The following FYB1 variants were observed in gnomAD, a reference collection of about 807,000 sequenced individuals.
FYB1 encodes FYN-binding protein 1.
FYB1 carries 41 observed loss-of-function variants against 94.1 expected under a neutral mutation model. That is an observed-to-expected ratio of 0.44 (90% CI 0.34 to 0.57). The LOEUF (loss-of-function observed/expected upper bound fraction) is 0.57. FYB1 is among the 20% of genes least tolerant of loss of function. FYB1 has a pLI of 0.02. For missense variants in FYB1, 1,050 were observed against 976.8 expected (o/e 1.07, Z -1.00); for synonymous variants, 367 against 353.2 (o/e 1.04, Z -0.44).
chr5:39,243,023 G>A (rs927062985), intron 1 of FYB1, among the ~76,000 whole-genome samples: 1 of 152,170 alleles, frequency 6.6e-6, no homozygotes, highest in Non-Finnish European at 1.5e-5. Context: ...TAAGTTCATT[G>A]TAGATTCTGG....
chr5:39,247,004 A>G (rs887622773), intron 1 of FYB1, among the ~76,000 whole-genome samples: 1 of 148,620 alleles, frequency 6.7e-6, no homozygotes, highest in African/African-American at 2.5e-5. Flanking sequence ...AATAGTACCT[A>G]TCTTGTAGGA....
intron 16 of FYB1, chr5:39,110,664 T>C: frequency 3.1e-6 from 1 of 320,966 alleles, no homozygotes; most frequent in Non-Finnish European, 5.8e-6. Flanking sequence ...GCAACTTTTT[T>C]CATTAAGCTA....
chr5:39,156,886 AGAAAGGGGATGAATATT>A (rs1743813038), intron 2 of FYB1, among the ~76,000 whole-genome samples: 1 of 152,248 alleles, frequency 6.6e-6, no homozygotes, highest in Non-Finnish European at 1.5e-5. Flanking sequence ...TCTGATGGAA[AGAAAGGGGATGAATATT>A]GAACTATAGT....
intron 1 of FYB1, among the ~76,000 whole-genome samples, chr5:39,205,160 G>A (rs1400194407): frequency 6.6e-6 from 1 of 152,206 alleles, no homozygotes; most frequent in Non-Finnish European, 1.5e-5. Context: ...GTCTGTCTCT[G>A]TGGAAGATGC....
At chr5:39,120,843 G>A (rs760859191) in intron 14 of FYB1, among the ~76,000 whole-genome samples, 3 of 151,978 alleles carry the variant, frequency 2.0e-5, no homozygotes, top group Non-Finnish European at 2.9e-5. Flanking sequence ...ATCAGGTTCT[G>A]CGTCTGCCCT....
Position 39,105,280 on chromosome 5 carries a change from A to G in FYB1, c.*2163T>C, listed in dbSNP as rs1760309261. ...TCCATTGAAGGTATTATTTATTTGC[A>G]GCTCATCTTAAGTGACAAAATTCCA... On this transcript the variant is annotated 3_prime_UTR_variant, in exon 19 of 19. Transcript: ENST00000512982. The G allele has an allele frequency of 6.6e-6, 1 of 152,180 alleles. No individual in the cohort carries two copies. Among genetic ancestry groups the G allele is most frequent in the South Asian group, 2.1e-4 (1 of 4,834 alleles). 9.4% of individuals were successfully genotyped at this position (152,180 alleles called of 1,614,324 possible).
At chr5:39,245,520 A>G (rs756550402) in intron 1 of FYB1, among the ~76,000 whole-genome samples, 1 of 152,080 alleles carries the variant, frequency 6.6e-6, no homozygotes, top group Non-Finnish European at 1.5e-5. Flanking sequence ...AGGGCAGAGA[A>G]GCGGGTTCTA....
At chr5:39,207,225 T>C (rs181020594) in intron 1 of FYB1, among the ~76,000 whole-genome samples, 24 of 152,356 alleles carry the variant, frequency 1.6e-4, no homozygotes, top group Admixed American at 1.4e-3. Context: ...AAGCAATTTG[T>C]TATTATTTCT....
At chr5:39,239,962 C>A (rs1047424709) in intron 1 of FYB1, among the ~76,000 whole-genome samples, 1 of 151,454 alleles carries the variant, frequency 6.6e-6, no homozygotes, top group Non-Finnish European at 1.5e-5. Context: ...GCCTTTGAGT[C>A]TGTACAAAAA....
At chr5:39,212,983 C>T (rs1386945534) in intron 1 of FYB1, 2 of 147,708 alleles carry the variant, frequency 1.4e-5, no homozygotes, top group East Asian at 2.0e-4. Context: ...ACTAAAAGTG[C>T]TTTTCTTGGC....
chr5:39,118,283 C>T lies in FYB1; in HGVS notation c.2401+591G>A, dbSNP rs116469639. 6.2e-3 allele frequency among the ~76,000 whole-genome samples: 938 copies of T among 152,154 alleles called. 9 individuals are homozygous for T. Among genetic ancestry groups the T allele is most frequent in the African/African-American group, 0.021 (878 of 41,494 alleles). ...GATTTATTTGGAATAGTATGTTGCA[C>T]TAAGTGTGTTCAAATAGGAAATGAA... On this transcript the variant is annotated intron_variant, in intron 16 of 18. Coordinates refer to ENST00000512982, the MANE Select transcript of FYB1 (RefSeq NM_001465.6).
intron 1 of FYB1, among the ~76,000 whole-genome samples, chr5:39,247,618 A>T (rs1751537433): frequency 6.6e-6 from 1 of 152,094 alleles, no homozygotes; most frequent in Non-Finnish European, 1.5e-5. Context: ...AGAAAATATT[A>T]TTTATATTGG....
chr5:39,128,700 C>T (rs1268283085), intron 10 of FYB1, among the ~76,000 whole-genome samples: 1 of 152,084 alleles, frequency 6.6e-6, no homozygotes, highest in Non-Finnish European at 1.5e-5. Context: ...TGCTGGCTAG[C>T]TCTAGAATCC....
intron 1 of FYB1, among the ~76,000 whole-genome samples, chr5:39,216,383 A>T (rs1749871375): frequency 6.6e-6 from 1 of 151,346 alleles, no homozygotes. Flanking sequence ...TCCTTTGTTC[A>T]CTCTTTTGTT....
At position 39,107,430 on chromosome 5, in the gene FYB1, C is replaced by A. The variant is rs1202701138; in HGVS notation, c.*13G>T. 6 of 1,526,526 alleles carry A rather than the reference C, an allele frequency of 3.9e-6. No individual in the cohort carries two copies. Among genetic ancestry groups the A allele is most frequent in the Non-Finnish European group, 5.3e-6 (6 of 1,132,458 alleles). The allele number at this position is 1,526,526 out of a possible 1,614,324, so 94.6% of individuals were successfully genotyped here. A position where few individuals can be genotyped will look rare whatever the true frequency, so the allele number is the denominator to read the frequency against. On this transcript the variant is annotated 3_prime_UTR_variant, in exon 19 of 19. Coordinates refer to ENST00000512982, the MANE Select transcript of FYB1 (RefSeq NM_001465.6). Reference sequence around the variant, plus strand: ...GCACCTAATGAACACAGCAGAATGACCAAAGTTGAGTGCTAGTCATTGTCA... The same window carrying A: ...GCACCTAATGAACACAGCAGAATGAACAAAGTTGAGTGCTAGTCATTGTCA...
At chr5:39,119,947 C>G (rs1447606543) in intron 14 of FYB1, among the ~76,000 whole-genome samples, 1 of 152,052 alleles carries the variant, frequency 6.6e-6, no homozygotes, top group Non-Finnish European at 1.5e-5. Context: ...ATGACTTAAT[C>G]TATTCTTAAA....
intron 2 of FYB1, among the ~76,000 whole-genome samples, chr5:39,153,872 T>A (rs902037608): frequency 1.3e-5 from 2 of 152,040 alleles, no homozygotes; most frequent in Non-Finnish European, 2.9e-5. Flanking sequence ...CTCCTGGGCT[T>A]TCGAGATCTT....
At chr5:39,217,620 A>G (rs73072519) in intron 1 of FYB1, among the ~76,000 whole-genome samples, 1,990 of 152,242 alleles carry the variant, frequency 0.013, 37 homozygotes, top group African/African-American at 0.043. Context: ...GAGTCATGGA[A>G]CCATTTAGGA....
intron 9 of FYB1, among the ~76,000 whole-genome samples, chr5:39,131,806 T>A (rs919397051): frequency 6.6e-6 from 1 of 152,190 alleles, no homozygotes; most frequent in East Asian, 1.9e-4. Context: ...TGGATTTTTA[T>A]ACCAATTTCC....
Sources: gnomAD v4.1 joint callset for allele counts (sites outside exome capture counted in the v4.1 genomes callset) on GRCh38, gnomAD v4.1.1 for gene constraint, MANE v1.5 for transcripts, NCBI Gene and HGNC (gene_info 2026-07-23, HGNC 2026-07-21) for gene names.